The following SHC3 variants were observed in gnomAD, a reference collection of about 807,000 sequenced individuals.
The protein encoded by SHC3 is SHC adaptor protein 3.
A neutral mutation model predicts 60.4 loss-of-function variants in SHC3; 15 were observed. That is an observed-to-expected ratio of 0.25 (90% confidence interval 0.17 to 0.38). The LOEUF is 0.38. Ranked by LOEUF, SHC3 falls within the 10% of genes least tolerant of loss-of-function variation. SHC3 has a pLI of 1.00. For missense variants in SHC3, 677 were observed against 786.1 expected (o/e 0.86, Z 1.66); for synonymous variants, 294 against 325.9 (o/e 0.90, Z 1.05).
chr9:89,090,481 T>A (rs1157111563), intron 2 of SHC3, among the ~76,000 whole-genome samples: 1 of 152,194 alleles, frequency 6.6e-6, no homozygotes, highest in Non-Finnish European at 1.5e-5. Context: ...TTAAGTAGAA[T>A]GCTGAGGTCA....
At chr9:89,168,932 TTCAGATCAGACTGAAACA>T (rs1826829201) in intron 1 of SHC3, among the ~76,000 whole-genome samples, 1 of 152,120 alleles carries the variant, frequency 6.6e-6, no homozygotes, top group South Asian at 2.1e-4. Flanking sequence ...TTTTCCCACC[TTCAGATCAGACTGAAACA>T]TTGGCTTTTC....
chr9:89,147,164 TAA>T (rs35036787), intron 1 of SHC3, among the ~76,000 whole-genome samples: 22 of 149,612 alleles, frequency 1.5e-4, no homozygotes, highest in East Asian at 1.2e-3. Context: ...ACTGGCAAAA[TAA>T]AAAAAAAATT....
At chr9:89,160,350 G>A (rs1294827712) in intron 1 of SHC3, among the ~76,000 whole-genome samples, 4 of 152,016 alleles carry the variant, frequency 2.6e-5, no homozygotes, top group Non-Finnish European at 5.9e-5. Context: ...CCTCCTTGGC[G>A]AGGCATTTTC....
chr9:89,051,649 G>A (rs1824863686), intron 7 of SHC3, among the ~76,000 whole-genome samples: 1 of 152,192 alleles, frequency 6.6e-6, no homozygotes, highest in Non-Finnish European at 1.5e-5. Context: ...CTTGTAGCAC[G>A]ACTTTGGCTA....
rs1356364565 is a variant in SHC3 at position 89,052,182 on chromosome 9, TG to T, written c.836-20del. 1.9e-6 allele frequency: 3 copies of T among 1,612,672 alleles called. No homozygotes were observed. Among genetic ancestry groups the T allele is most frequent in the Non-Finnish European group, 2.5e-6 (3 of 1,179,156 alleles). On this transcript the variant is annotated intron_variant, in intron 6 of 11. Coordinates refer to ENST00000375835, the MANE Select transcript of SHC3 (RefSeq NM_016848.6). ...TGACAAGCTGGGAAAGCAAGTGACA[TG>T]GGCCTATTAGAGACAGACACTGGTG...
intron 1 of SHC3, among the ~76,000 whole-genome samples, chr9:89,113,246 C>A (rs1050373409): frequency 6.6e-6 from 1 of 152,074 alleles, no homozygotes; most frequent in Non-Finnish European, 1.5e-5. Flanking sequence ...AAATTTTGAT[C>A]AGTTTCACAC....
intron 11 of SHC3, among the ~76,000 whole-genome samples, chr9:89,019,619 C>T (rs1046508291): frequency 6.6e-6 from 1 of 151,974 alleles, no homozygotes; most frequent in Non-Finnish European, 1.5e-5. Context: ...GGAATGAACA[C>T]GTGGAATTTA....
At chr9:89,145,005 T>C (rs910805948) in intron 1 of SHC3, among the ~76,000 whole-genome samples, 3 of 152,220 alleles carry the variant, frequency 2.0e-5, no homozygotes, top group East Asian at 3.8e-4. Flanking sequence ...TATATCATGA[T>C]GGAGAGAATT....
At chr9:89,144,040 G>T (rs995018471) in intron 1 of SHC3, among the ~76,000 whole-genome samples, 9 of 152,044 alleles carry the variant, frequency 5.9e-5, no homozygotes, top group African/African-American at 1.9e-4. Context: ...TTTTCACAAG[G>T]ATCTATCCAT....
chr9:89,071,332 G>T (rs1310553913), intron 4 of SHC3, 80 bp from the exon 5 acceptor site: 2 of 1,429,428 alleles, frequency 1.4e-6, no homozygotes, highest in South Asian at 1.2e-5. Flanking sequence ...TTGTTGGCAG[G>T]CATTACAAAT....
At chr9:89,052,281 A>C in intron 6 of SHC3, 118 bp from the exon 7 acceptor site, 1 of 1,271,374 alleles carries the variant, frequency 7.9e-7, no homozygotes, top group Non-Finnish European at 1.1e-6. Context: ...CTTCCATAAT[A>C]TGTCCTAGCA....
intron 3 of SHC3, among the ~76,000 whole-genome samples, chr9:89,075,450 T>C (rs571621005): frequency 1.3e-5 from 2 of 152,340 alleles, no homozygotes; most frequent in East Asian, 3.9e-4. Context: ...AATATGCAAA[T>C]GCTGAGGTGA....
At chr9:89,161,187 C>T (rs763659741) in intron 1 of SHC3, among the ~76,000 whole-genome samples, 8 of 152,188 alleles carry the variant, frequency 5.3e-5, no homozygotes, top group Non-Finnish European at 2.9e-5. Flanking sequence ...GGACCCCATA[C>T]GATCATGGCA....
chr9:89,130,684 G>T (rs954084715), intron 1 of SHC3, among the ~76,000 whole-genome samples: 9 of 152,152 alleles, frequency 5.9e-5, no homozygotes, highest in African/African-American at 2.2e-4. Flanking sequence ...ATAATGAAAT[G>T]AAGGCAGAAA....
intron 11 of SHC3, among the ~76,000 whole-genome samples, chr9:89,035,862 T>TATA (rs1491088730): frequency 0.093 from 9,538 of 102,552 alleles, 744 homozygotes; most frequent in East Asian, 0.17. Context: ...TGTGTGTGTG[T>TATA]GTGTGTGTGT....
chr9:89,074,691 C>CAAAA (rs68051828), intron 4 of SHC3, among the ~76,000 whole-genome samples: 231 of 59,904 alleles, frequency 3.9e-3, no homozygotes, highest in Non-Finnish European at 4.4e-3. Flanking sequence ...GCCACTAAAG[C>CAAAA]AAAAAAAAAA....
At chr9:89,046,192 C>T (rs562133263) in intron 8 of SHC3, among the ~76,000 whole-genome samples, 3 of 149,116 alleles carry the variant, frequency 2.0e-5, no homozygotes, top group Admixed American at 6.7e-5. Flanking sequence ...ATAACACATA[C>T]GCCCATGATC....
chr9:89,175,475 C>G (rs777588491), intron 1 of SHC3, among the ~76,000 whole-genome samples: 12 of 152,218 alleles, frequency 7.9e-5, no homozygotes, highest in Non-Finnish European at 1.8e-4. Flanking sequence ...ATTCACCAGA[C>G]TTCTGTATTT....
At chr9:89,177,166 T>G (rs1161649515) in intron 1 of SHC3, among the ~76,000 whole-genome samples, 2 of 152,238 alleles carry the variant, frequency 1.3e-5, no homozygotes, top group Admixed American at 6.5e-5. Context: ...GGCAGATTAC[T>G]TGAACTGTGC....
Sources: allele counts gnomAD v4.1 joint callset (sites outside exome capture counted in the v4.1 genomes callset), GRCh38; gene constraint gnomAD v4.1.1; transcripts MANE v1.5; gene names NCBI Gene and HGNC (gene_info 2026-07-23, HGNC 2026-07-21).